ZNF217: variants seen among roughly 807,000 people sequenced by gnomAD.
ZNF217 encodes the protein zinc finger protein 217.
In ZNF217, 12 loss-of-function variants were observed where a neutral mutation model predicts 73.3. The ratio of observed to expected loss-of-function variants is 0.16; its 90% CI spans 0.10 to 0.27. ZNF217 has a LOEUF of 0.27. ZNF217 is among the 10% of genes least tolerant of loss of function. The pLI is 1.00. For synonymous variants in ZNF217, 588 were observed against 516.4 expected (o/e 1.14, Z -1.88); for missense variants, 1,195 against 1,327.8 (o/e 0.90, Z 1.55).
At chr20:53,591,121 C>T (rs1988864980) in intron 1 of ZNF217, among the ~76,000 whole-genome samples, 1 of 152,054 alleles carries the variant, frequency 6.6e-6, no homozygotes, top group South Asian at 2.1e-4. Context: ...AAGTTTTCTA[C>T]AAATTTTTTC....
intron 4 of ZNF217, among the ~76,000 whole-genome samples, chr20:53,572,442 C>A (rs1419024620): frequency 6.6e-6 from 1 of 151,888 alleles, no homozygotes; most frequent in Non-Finnish European, 1.5e-5. Flanking sequence ...AAAAGAGGAT[C>A]TGACTTGCAA....
chr20:53,569,015 A>C lies in ZNF217; in HGVS notation c.*273T>G. On this transcript the variant is annotated 3_prime_UTR_variant, in exon 6 of 6. Transcript: ENST00000371471. ...TTTGGTCAATTCTAAGAAAAATATT[A>C]TTCAGGGACAAAATAGAGATTTCCA... 1.2e-6 allele frequency: 1 copy of C among 839,088 alleles called. No individual in the cohort carries two copies. Among genetic ancestry groups the C allele is most frequent in the Non-Finnish European group, 1.5e-6 (1 of 677,054 alleles). The allele number at this position is 839,088 out of a possible 1,614,324, so 52.0% of individuals were successfully genotyped here.
intron 1 of ZNF217, among the ~76,000 whole-genome samples, chr20:53,586,970 G>A (rs540539874): frequency 5.9e-5 from 9 of 152,302 alleles, no homozygotes; most frequent in African/African-American, 1.7e-4. Context: ...GAAAGTGAGC[G>A]TTATGAACAC....
Position 53,572,875 on chromosome 20 carries a change from T to TATGTGTA in ZNF217, c.3038-1023_3038-1022insTACACAT, listed in dbSNP as rs1568679356. ...CATACAGGTATGTGCCAGACACCTGTACGAAGTGACACCACCAGGACACAT... is the reference window on the plus strand; with the variant it reads ...CATACAGGTATGTGCCAGACACCTGTATGTGTAACGAAGTGACACCACCAGGACACAT... On this transcript the variant is annotated intron_variant, in intron 4 of 5. Coordinates refer to ENST00000371471, the MANE Select transcript of ZNF217 (RefSeq NM_006526.3). 2 of 152,152 alleles carry TATGTGTA rather than the reference T, an allele frequency of 1.3e-5. 1 individual carries two copies. Among genetic ancestry groups the TATGTGTA allele is most frequent in the Non-Finnish European group, 2.9e-5 (2 of 68,018 alleles). 9.4% of individuals were successfully genotyped at this position (152,152 alleles called of 1,614,324 possible).
At position 53,577,421 on chromosome 20, in the gene ZNF217, T is replaced by C; in HGVS notation, c.1484-141A>G. ...ATCACATAGGATTTCTCATCAGTTC[T>C]TTATCATCCTTACTGTAATGAATAT... is the stretch of plus-strand genomic sequence containing the variant. On this transcript the variant is annotated intron_variant, in intron 3 of 5. Transcript: ENST00000371471. 5.3e-6 allele frequency: 4 copies of C among 747,682 alleles called. No individual in the cohort carries two copies. In the South Asian group the frequency reaches 7.8e-5, roughly 14 times the overall value. The allele number at this position is 747,682 out of a possible 1,614,324, so 46.3% of individuals were successfully genotyped here. A position where few individuals can be genotyped will look rare whatever the true frequency, so the allele number is the denominator to read the frequency against.
intron 1 of ZNF217, among the ~76,000 whole-genome samples, chr20:53,588,209 G>A (rs1190568130): frequency 6.6e-6 from 1 of 152,102 alleles, no homozygotes; most frequent in East Asian, 1.9e-4. Flanking sequence ...GAAACTGCCT[G>A]AATTCATCTT....
intron 2 of ZNF217, among the ~76,000 whole-genome samples, chr20:53,580,355 G>C (rs974094413): frequency 6.6e-6 from 1 of 152,174 alleles, no homozygotes; most frequent in African/African-American, 2.4e-5. Context: ...GGAGGCACTT[G>C]TTTTAACCGA....
At chr20:53,577,310 A>G (rs1311553500) in intron 3 of ZNF217, 30 bp from the exon 4 acceptor site, 5 of 1,563,782 alleles carry the variant, frequency 3.2e-6, no homozygotes, top group Non-Finnish European at 4.3e-6. Context: ...TTTATTATAG[A>G]AGTGTATGAA....
chr20:53,576,303 G>C lies in ZNF217; in HGVS notation c.2461C>G (p.His821Asp). The C allele has an allele frequency of 6.2e-7, 1 of 1,614,172 alleles. No homozygotes were observed. The highest frequency in any genetic ancestry group is 2.2e-5 in the East Asian group (1 of 44,884). The stretch of plus-strand genomic sequence containing the variant: ...ACCCCCACATTCTGCTGTGGTCTGT[G>C]GGACTTCAGGTTACTTGGGGCTAAA... ...STLAPSNLKS[H>D]RPQQNVGVQG... The change falls in exon 4 of 6, where the codon CAC (histidine) becomes GAC (aspartate). Residue 821 changes from histidine (H) to aspartate (D), a missense_variant. Physicochemically the swap from His to Asp is moderately conservative, Grantham distance 81. This residue lies in a region of ZNF217 where 649 missense variants were observed against 642.8 expected (regional missense o/e 1.01). Transcript: ENST00000371471.
At chr20:53,590,720 C>CA (rs1988848608) in intron 1 of ZNF217, among the ~76,000 whole-genome samples, 2 of 152,020 alleles carry the variant, frequency 1.3e-5, no homozygotes, top group Non-Finnish European at 2.9e-5. Flanking sequence ...CCTGCTGTGG[C>CA]AAAAACATGC....
chr20:53,586,166 T>G (rs922535294), intron 1 of ZNF217, among the ~76,000 whole-genome samples: 7 of 152,270 alleles, frequency 4.6e-5, no homozygotes, highest in Admixed American at 3.3e-4. Context: ...CCTTGTCCAC[T>G]GCTGCCCCCA....
chr20:53,586,476 T>C (rs1294343454), intron 1 of ZNF217, among the ~76,000 whole-genome samples: 4 of 152,146 alleles, frequency 2.6e-5, no homozygotes, highest in East Asian at 1.9e-4. Flanking sequence ...AAAACTGCAC[T>C]ATTTGGATTT....
At chr20:53,595,545 A>G (rs1989027151), upstream of ZNF217, among the ~76,000 whole-genome samples, 4 of 152,220 alleles carry the variant, frequency 2.6e-5, no homozygotes, top group Non-Finnish European at 4.4e-5. Context: ...CATTTTATAT[A>G]TAACTACTAA....
At chr20:53,595,531 CT>C (rs1226899200), upstream of ZNF217, among the ~76,000 whole-genome samples, 7 of 152,306 alleles carry the variant, frequency 4.6e-5, no homozygotes, top group East Asian at 9.6e-4. Flanking sequence ...TCATGTTTTG[CT>C]GTCATTTTAT....
At chr20:53,584,908 A>G (rs1369193468) in intron 1 of ZNF217, among the ~76,000 whole-genome samples, 3 of 152,200 alleles carry the variant, frequency 2.0e-5, no homozygotes, top group Non-Finnish European at 4.4e-5. Flanking sequence ...AACAGTTATC[A>G]AATTCTGACA....
rs749510586 is a variant in ZNF217, at chr20:53,575,899, T to G, written c.2865A>C (p.Leu955Phe). ...GCGACGGATACACACAGTCCTGCGG[T>G]AACAGTGATGTGATGCCTCTGACCA... ...YHMVRGITSL[L>F]PQDCVYPSQA... The change falls in exon 4 of 6, where the codon TTA becomes TTC. Residue 955 changes from leucine (L) to phenylalanine (F), a missense_variant. By Grantham distance (22) the Leu-to-Phe change is conservative. Coordinates refer to ENST00000371471, the MANE Select transcript of ZNF217 (RefSeq NM_006526.3). The G allele has an allele frequency of 6.2e-7, 1 of 1,614,176 alleles. No homozygotes were observed. Among genetic ancestry groups the G allele is most frequent in the South Asian group, 1.1e-5 (1 of 91,086 alleles).
Position 53,576,250 on chromosome 20 carries a change from T to C in ZNF217, c.2514A>G (p.Gln838=), listed in dbSNP as rs6097490. 2.9e-3 allele frequency: 4,604 copies of C among 1,614,228 alleles called. 134 individuals carry two copies. The African/African-American group carries it at 0.055, about 19-fold the overall frequency. ...GVQGAATRQQ[Q]SEMFPKTSVS... is the part of the protein sequence containing the mutation. The stretch of plus-strand genomic sequence containing the variant: ...CACTGGTTTTAGGAAACATCTCAGA[T>C]TGCTGTTGCCTGGTGGCGGCCCCTT... Residue 838 remains glutamine (Q), a synonymous_variant, in exon 4 of 6, where the codon CAA becomes CAG. Transcript: ENST00000371471.
At chr20:53,572,672 T>C (rs1027061140) in intron 4 of ZNF217, 1 of 152,180 alleles carries the variant, frequency 6.6e-6, no homozygotes, top group Non-Finnish European at 1.5e-5. Flanking sequence ...TGACAGAGTG[T>C]TGTCACCACA....
intron 1 of ZNF217, among the ~76,000 whole-genome samples, chr20:53,585,229 GAA>G (rs535236302): frequency 5.9e-5 from 9 of 151,438 alleles, no homozygotes; most frequent in African/African-American, 1.7e-4. Context: ...ACATCCTTTA[GAA>G]AAAGAGACAC....
Sources: gnomAD v4.1 joint callset for allele counts (sites outside exome capture counted in the v4.1 genomes callset) on GRCh38, gnomAD v4.1.1 for gene constraint, gnomAD v4.1.1 regional missense constraint, MANE v1.5 for transcripts, NCBI Gene and HGNC (gene_info 2026-07-23, HGNC 2026-07-21) for gene names.